The following DNAJC17 variants were observed in gnomAD, a reference collection of about 807,000 sequenced individuals.
The protein encoded by DNAJC17 is DnaJ heat shock protein family (Hsp40) member C17.
Under a neutral mutation model 48.1 loss-of-function variants are expected in DNAJC17, and 35 were observed. That is an observed-to-expected ratio of 0.73 (90% CI 0.56 to 0.96). DNAJC17 has a LOEUF of 0.96. Among genes scored for constraint, DNAJC17 ranks in the 50% least tolerant of loss-of-function variants. DNAJC17 has a pLI of 0.00. For missense variants in DNAJC17, 355 were observed against 377.1 expected (o/e 0.94, Z 0.48); for synonymous variants, 117 against 142.7 (o/e 0.82, Z 1.28).
chr15:40,775,151 G>C (rs746109686), intron 7 of DNAJC17, 43 bp from the exon 8 acceptor site: 1 of 1,599,090 alleles, frequency 6.3e-7, no homozygotes, highest in East Asian at 2.2e-5. Context: ...TGGCTGAACA[G>C]TACCTCACCC....
In DNAJC17 at chr15:40,795,916, G is replaced by A. The variant is rs184581474; in HGVS notation, c.78+11453C>T. Among the ~76,000 whole-genome samples the A allele has an allele frequency of 2.5e-3, 378 of 152,264 alleles. 1 individual carries two copies. The highest frequency in any genetic ancestry group is 3.7e-3 in the Non-Finnish European group (255 of 68,010). ...CAAAAAATAAAATAAAATAGGTTCA[G>A]TGAGTGCCTGCTCTGGGCAAGGCAC... On this transcript the variant is annotated intron_variant, in intron 1 of 10. Transcript: ENST00000220496.
chr15:40,772,961 T>G (rs972932847), intron 10 of DNAJC17, among the ~76,000 whole-genome samples: 5 of 133,640 alleles, frequency 3.7e-5, no homozygotes, highest in Admixed American at 1.4e-4. Context: ...AGTTCCTTCT[T>G]TTTTTTTTTT....
intron 4 of DNAJC17, 88 bp from the exon 5 acceptor site, chr15:40,776,715 A>G: frequency 3.8e-6 from 5 of 1,325,506 alleles, no homozygotes; most frequent in Non-Finnish European, 5.4e-6. Context: ...GCCTCCCCAA[A>G]GTCTCAATCA....
intron 1 of DNAJC17, among the ~76,000 whole-genome samples, chr15:40,782,757 TC>T (rs1408490737): frequency 6.6e-6 from 1 of 152,058 alleles, no homozygotes; most frequent in Non-Finnish European, 1.5e-5. Context: ...GCTGGGCAAC[TC>T]CTCCATCCAT....
At chr15:40,784,870 G>A (rs2141954987) in intron 1 of DNAJC17, among the ~76,000 whole-genome samples, 1 of 152,230 alleles carries the variant, frequency 6.6e-6, no homozygotes, top group East Asian at 1.9e-4. Context: ...GGCTGAGGCG[G>A]GCAGATCACC....
intron 1 of DNAJC17, among the ~76,000 whole-genome samples, chr15:40,805,375 CAAA>C (rs559577744): frequency 9.3e-6 from 1 of 107,880 alleles, no homozygotes. Context: ...TACTCTGTCT[CAAA>C]AAAAAAAAAA....
Position 40,767,446 on chromosome 15 carries a change from T to C in DNAJC17, c.*494A>G. 7.4e-7 allele frequency: 1 copy of C among 1,344,546 alleles called. No homozygotes were observed. Among genetic ancestry groups the C allele is most frequent in the Admixed American group, 2.6e-5 (1 of 38,278 alleles). 83.3% of individuals were successfully genotyped at this position (1,344,546 alleles called of 1,614,324 possible). A position where few individuals can be genotyped will look rare whatever the true frequency, so the allele number is the denominator to read the frequency against. On this transcript the variant is annotated 3_prime_UTR_variant, in exon 11 of 11. Transcript: ENST00000220496. ...TGCCTCACCGTCTGCCTTGCTCCTC[T>C]CTTCCCAAATCATCACCGCCATGGG... is the stretch of plus-strand genomic sequence containing the variant.
intron 1 of DNAJC17, among the ~76,000 whole-genome samples, chr15:40,796,196 C>T (rs1387340009): frequency 2.6e-5 from 4 of 152,126 alleles, no homozygotes; most frequent in African/African-American, 9.7e-5. Context: ...CTACCAAGGG[C>T]GAGGCATTGT....
intron 6 of DNAJC17, 68 bp downstream of exon 6, chr15:40,776,128 C>T: frequency 6.7e-7 from 1 of 1,491,164 alleles, no homozygotes. Context: ...ACCGAACAGC[C>T]AGTGTGGCCG....
At position 40,779,307 on chromosome 15, in the gene DNAJC17, C is replaced by T. The variant is rs376973487; in HGVS notation, c.211G>A (p.Ala71Thr). Residue 71 changes from alanine (A) to threonine (T), a missense_variant, in exon 4 of 11, where the codon GCA becomes ACA. Coordinates refer to ENST00000220496, the MANE Select transcript of DNAJC17 (RefSeq NM_018163.3). Reference protein sequence around the residue: ...EVLTDAAARAAYDKVRKAKKQ... With the variant: ...EVLTDAAARATYDKVRKAKKQ... ...TTGGCTTTCCTGACCTTGTCATATG[C>T]AGCCTGGCAGGAGAAAGGGGCACAG... 2 of 1,613,862 alleles carry T rather than the reference C, an allele frequency of 1.2e-6. No individual in the cohort carries two copies. The highest frequency in any genetic ancestry group is 2.7e-5 in the African/African-American group (2 of 74,914).
At chr15:40,775,921 C>T (rs1889305796) in intron 6 of DNAJC17, among the ~76,000 whole-genome samples, 1 of 152,160 alleles carries the variant, frequency 6.6e-6, no homozygotes, top group Non-Finnish European at 1.5e-5. Flanking sequence ...AGGGCCCCTC[C>T]CCGTGGTGAT....
chr15:40,804,848 A>T (rs950957046), intron 1 of DNAJC17, among the ~76,000 whole-genome samples: 1 of 152,132 alleles, frequency 6.6e-6, no homozygotes, highest in African/African-American at 2.4e-5. Context: ...ATAAAAACAC[A>T]AAAATTAGCT....
chr15:40,765,718 C>A lies in DNAJC17; in HGVS notation c.*2222G>T. On this transcript the variant is annotated 3_prime_UTR_variant, in exon 11 of 11. Transcript: ENST00000220496. ...TAAGAATCCTTGCTACTCTCTGTAG[C>A]CTTTACCTGAACCTTACTCAGGGCT... 2.0e-6 allele frequency: 1 copy of A among 510,912 alleles called. No homozygotes were observed. The highest frequency in any genetic ancestry group is 2.9e-5 in the South Asian group (1 of 34,766). The allele number at this position is 510,912 out of a possible 1,614,324, so 31.6% of individuals were successfully genotyped here.
At chr15:40,771,102 C>G in intron 10 of DNAJC17, 1 of 1,337,914 alleles carries the variant, frequency 7.5e-7, no homozygotes, top group Non-Finnish European at 1.0e-6. Context: ...GGACAGGACT[C>G]CAGGCCCATC....
In DNAJC17 at chr15:40,770,897, C is replaced by T. The variant is rs1033000862; in HGVS notation, c.792+2830G>A. ...AGGGCCTTGTGGACACTCCCTGCTT[C>T]CAGAGGACACCTACCCCAGACCTCA... On this transcript the variant is annotated intron_variant, in intron 10 of 10. Transcript: ENST00000220496. The surrounding 1 kb of genome is among the most constrained non-coding windows in gnomAD (Gnocchi z 5.0). The T allele has an allele frequency of 1.9e-6, 3 of 1,551,556 alleles. No homozygotes were observed. The highest frequency in any genetic ancestry group is 2.6e-6 in the Non-Finnish European group (3 of 1,147,010).
intron 1 of DNAJC17, among the ~76,000 whole-genome samples, chr15:40,806,539 T>A (rs1040784831): frequency 6.6e-5 from 10 of 152,048 alleles, no homozygotes; most frequent in African/African-American, 2.4e-4. Context: ...ATTTTCTTTC[T>A]TTCTTTCTTT....
In DNAJC17 at chr15:40,775,303, C is replaced by G. The variant is rs930622919; in HGVS notation, c.523-195G>C. 3.8e-5 allele frequency: 27 copies of G among 709,090 alleles called. No individual in the cohort carries two copies. In the African/African-American group the frequency reaches 4.8e-4, roughly 13 times the overall value. 43.9% of individuals were successfully genotyped at this position (709,090 alleles called of 1,614,324 possible). A position where few individuals can be genotyped will look rare whatever the true frequency, so the allele number is the denominator to read the frequency against. On this transcript the variant is annotated intron_variant, in intron 7 of 10. Coordinates refer to ENST00000220496, the MANE Select transcript of DNAJC17 (RefSeq NM_018163.3). ...TGGCCTGCTCACCCCAGGGACGCTTCCCGCCCAGAAGACCCTCTCCTGAGA... is the reference window on the plus strand; with the variant it reads ...TGGCCTGCTCACCCCAGGGACGCTTGCCGCCCAGAAGACCCTCTCCTGAGA...
intron 8 of DNAJC17, 108 bp from the exon 9 acceptor site, chr15:40,774,544 TG>T: frequency 8.1e-7 from 1 of 1,231,850 alleles, no homozygotes. Context: ...CATTTTCAGT[TG>T]GGAGATAACT....
At chr15:40,792,839 GA>G (rs1232739474) in intron 1 of DNAJC17, among the ~76,000 whole-genome samples, 1 of 151,212 alleles carries the variant, frequency 6.6e-6, no homozygotes, top group Non-Finnish European at 1.5e-5. Context: ...TAACCTCTCT[GA>G]ACCTCCATTC....
Sources: allele counts gnomAD v4.1 joint callset (sites outside exome capture counted in the v4.1 genomes callset), GRCh38; gene constraint gnomAD v4.1.1; non-coding constraint Gnocchi (gnomAD v3.1); transcripts MANE v1.5; gene names NCBI Gene and HGNC (gene_info 2026-07-23, HGNC 2026-07-21).